The following MTMR10 variants were observed in gnomAD, a reference collection of about 807,000 sequenced individuals.
MTMR10 encodes the protein myotubularin-related protein 10.
A neutral mutation model predicts 88.1 loss-of-function variants in MTMR10; 56 were observed. The observed-to-expected ratio is 0.64, with a 90% CI of 0.51 to 0.79. MTMR10 has a LOEUF of 0.79. MTMR10 is among the 30% of genes least tolerant of loss of function. The pLI is 0.00. For missense variants in MTMR10, 883 were observed against 924.7 expected, an observed-to-expected ratio of 0.95 and a Z score of 0.58; for synonymous variants, 380 against 340.9, an observed-to-expected ratio of 1.11 and a Z score of -1.26.
At chr15:30,987,301 T>A (rs1003352480) in intron 2 of MTMR10, among the ~76,000 whole-genome samples, 13 of 152,228 alleles carry the variant, frequency 8.5e-5, no homozygotes, top group African/African-American at 3.1e-4. Flanking sequence ...TCAGTAAACA[T>A]CTCAGTGTCT....
chr15:30,918,844 T>C, the MTMR10 span, among the ~76,000 whole-genome samples: 1 of 152,158 alleles, frequency 6.6e-6, no homozygotes, highest in Non-Finnish European at 1.5e-5. Context: ...GATGCCACTT[T>C]GAAAAAATCA....
chr15:30,931,453 C>G, the MTMR10 span, among the ~76,000 whole-genome samples: 1 of 152,176 alleles, frequency 6.6e-6, no homozygotes, highest in Non-Finnish European at 1.5e-5. Context: ...CTTATTTGTT[C>G]TCTAGTGGAT....
chr15:30,968,795 G>A (rs2063502933), intron 5 of MTMR10, among the ~76,000 whole-genome samples: 1 of 152,092 alleles, frequency 6.6e-6, no homozygotes, highest in South Asian at 2.1e-4. Context: ...GCTTAATGCA[G>A]GCTAGGCCTT....
chr15:30,942,048 C>T lies in MTMR10; in HGVS notation c.1756G>A (p.Gly586Arg). ...TKKSYSSTLR[G>R]MPSALKNGII... ...CCATTCTTTAAGGCAGACGGCATTC[C>T]TCTTAGTGTGGAGCTGTAGCTTTTC... Residue 586 changes from glycine (G) to arginine (R), a missense_variant, in exon 16 of 16, where the codon GGA (glycine) becomes AGA (arginine). Physicochemically the swap from Gly to Arg is moderately radical, Grantham distance 125. Coordinates refer to ENST00000435680, the MANE Select transcript of MTMR10 (RefSeq NM_017762.3). 6.2e-7 allele frequency: 1 copy of T among 1,613,836 alleles called. No homozygotes were observed. Among genetic ancestry groups the T allele is most frequent in the Non-Finnish European group, 8.5e-7 (1 of 1,179,804 alleles).
chr15:30,942,682 A>C, intron 15 of MTMR10: 2 of 514,488 alleles, frequency 3.9e-6, no homozygotes, highest in Non-Finnish European at 6.7e-6. Context: ...CAATCTGCCC[A>C]CTCTCAGGTA....
At position 30,951,644 on chromosome 15, in the gene MTMR10, C is replaced by G. The variant is rs528850836; in HGVS notation, c.1207+324G>C. Among the ~76,000 whole-genome samples the G allele has an allele frequency of 2.0e-4, 30 of 152,188 alleles. No individual in the cohort carries two copies. The East Asian group carries it at 5.4e-3, about 27-fold the overall frequency. ...CCTCCCGAGTAGCTGAGACTACAGG[C>G]GCACACCACCACTCCTGACTAATTT... On this transcript the variant is annotated intron_variant, in intron 12 of 15. Coordinates refer to ENST00000435680, the MANE Select transcript of MTMR10 (RefSeq NM_017762.3).
the MTMR10 span, chr15:30,927,863 T>G: frequency 1.0e-6 from 1 of 985,664 alleles, no homozygotes; most frequent in South Asian, 4.7e-5. Flanking sequence ...CACCAGACCC[T>G]GCCTCTGACT....
At chr15:30,955,012 T>C (rs2063302225) in intron 9 of MTMR10, 119 bp from the exon 10 acceptor site, 3 of 854,090 alleles carry the variant, frequency 3.5e-6, no homozygotes, top group Non-Finnish European at 4.9e-6. Flanking sequence ...TCTGCCTTCA[T>C]GGAGTTTACT....
downstream of MTMR10, among the ~76,000 whole-genome samples, chr15:30,934,430 C>A (rs2062798201): frequency 6.6e-6 from 1 of 152,102 alleles, no homozygotes; most frequent in African/African-American, 2.4e-5. Context: ...TTATTGATAT[C>A]CTTAGCTTTA....
In MTMR10 at chr15:30,953,542, G is replaced by T. The variant is rs2063280312; in HGVS notation, c.1136+20C>A. ...CTCAAAATAAAAAGTTAAAGGAAAAGAAAGTAAAGAAGTACAAACCTTACA... is the reference window on the plus strand; with the variant it reads ...CTCAAAATAAAAAGTTAAAGGAAAATAAAGTAAAGAAGTACAAACCTTACA... On this transcript the variant is annotated intron_variant, in intron 11 of 15. Coordinates refer to ENST00000435680, the MANE Select transcript of MTMR10 (RefSeq NM_017762.3). 6.6e-7 allele frequency: 1 copy of T among 1,505,108 alleles called. No individual in the cohort carries two copies. Among genetic ancestry groups the T allele is most frequent in the Non-Finnish European group, 9.0e-7 (1 of 1,111,780 alleles). 93.2% of individuals were successfully genotyped at this position (1,505,108 alleles called of 1,614,324 possible). A position where few individuals can be genotyped will look rare whatever the true frequency, so the allele number is the denominator to read the frequency against.
downstream of MTMR10, chr15:30,937,310 T>TA: frequency 6.6e-7 from 1 of 1,522,954 alleles, no homozygotes; most frequent in African/African-American, 1.4e-5. Flanking sequence ...TTTTCAAGAG[T>TA]ATAAAACATG....
At chr15:30,945,132 G>GA (rs1035080196) in intron 14 of MTMR10, among the ~76,000 whole-genome samples, 6 of 151,682 alleles carry the variant, frequency 4.0e-5, no homozygotes, top group Non-Finnish European at 8.8e-5. Context: ...CCTCAGAATG[G>GA]AAAAAAAAGG....
the MTMR10 span, chr15:30,929,186 C>T: frequency 6.2e-7 from 1 of 1,607,532 alleles, no homozygotes; most frequent in South Asian, 1.1e-5. Context: ...TGACAGCTTG[C>T]TTTCCCTGTG....
At chr15:30,929,775 T>C in the MTMR10 span, among the ~76,000 whole-genome samples, 3 of 20,830 alleles carry the variant, frequency 1.4e-4, no homozygotes, top group Non-Finnish European at 1.4e-4. Flanking sequence ...AAATATATAA[T>C]ATATTATATC....
At chr15:30,944,195 G>T (rs1483836182) in intron 14 of MTMR10, among the ~76,000 whole-genome samples, 1 of 152,118 alleles carries the variant, frequency 6.6e-6, no homozygotes, top group African/African-American at 2.4e-5. Flanking sequence ...TAACAGCACA[G>T]GGCATTTTGT....
At chr15:30,970,694 CTT>C (rs1351798574) in intron 5 of MTMR10, among the ~76,000 whole-genome samples, 1 of 152,104 alleles carries the variant, frequency 6.6e-6, no homozygotes, top group Non-Finnish European at 1.5e-5. Context: ...CATGGACATC[CTT>C]TTTTTGTGGC....
chr15:30,959,097 T>G lies in MTMR10; in HGVS notation c.783A>C (p.Pro261=). Reference sequence around the variant, plus strand: ...TTAGATCTTGGTCTGCTAAAGAACTTGGCACTACAATGTATTCTGGAAGGC... The same window carrying G: ...TTAGATCTTGGTCTGCTAAAGAACTGGGCACTACAATGTATTCTGGAAGGC... ...STCLPEYIVV[P]SSLADQDLKI... is the part of the protein sequence containing the mutation. The change falls in exon 8 of 16, where the codon CCA becomes CCC. Residue 261 remains proline (P), a synonymous_variant. Transcript: ENST00000435680. 6.2e-7 allele frequency: 1 copy of G among 1,605,726 alleles called. No individual in the cohort carries two copies. The highest frequency in any genetic ancestry group is 1.3e-5 in the African/African-American group (1 of 74,786).
intron 2 of MTMR10, among the ~76,000 whole-genome samples, chr15:30,984,370 C>T (rs2141068038): frequency 6.6e-6 from 1 of 152,326 alleles, no homozygotes; most frequent in Admixed American, 6.5e-5. Context: ...TACAGTTACA[C>T]TGTTCACTGT....
chr15:30,937,260 GT>G (rs1391543705), downstream of MTMR10: 1 of 1,607,908 alleles, frequency 6.2e-7, no homozygotes. Flanking sequence ...TAGCTAAAAG[GT>G]ATGGAATTGG....
Sources: allele counts gnomAD v4.1 joint callset (sites outside exome capture counted in the v4.1 genomes callset), GRCh38; gene constraint gnomAD v4.1.1; transcripts MANE v1.5; gene names NCBI Gene and HGNC (gene_info 2026-07-23, HGNC 2026-07-21).